The following R3HDM2 variants were observed in gnomAD, a reference collection of about 807,000 sequenced individuals.
The protein encoded by R3HDM2 is R3H domain containing 2.
In R3HDM2, 38 loss-of-function variants were observed where a neutral mutation model predicts 124.5. That is an observed-to-expected ratio of 0.31 (90% CI 0.24 to 0.40). The LOEUF (loss-of-function observed/expected upper bound fraction) is 0.40. Among genes scored for constraint, R3HDM2 ranks in the 10% least tolerant of loss-of-function variants. The pLI is 1.00. For synonymous variants in R3HDM2, 391 were observed against 448.0 expected (o/e 0.87, Z 1.61); for missense variants, 869 against 1,236.9 (o/e 0.70, Z 4.46).
At chr12:57,292,708 G>A in intron 10 of R3HDM2, 41 bp from the exon 11 acceptor site, 5 of 1,330,706 alleles carry the variant, frequency 3.8e-6, no homozygotes, top group South Asian at 1.3e-5. Context: ...AGTTCTCCTC[G>A]TACTGCAAGC....
chr12:57,375,227 T>G (rs1046057229), intron 2 of R3HDM2, among the ~76,000 whole-genome samples: 3 of 152,264 alleles, frequency 2.0e-5, no homozygotes, highest in Non-Finnish European at 2.9e-5. Context: ...AGTCTGAGAT[T>G]AATTTCAGAC....
intron 2 of R3HDM2, among the ~76,000 whole-genome samples, chr12:57,330,766 T>C (rs1441948474): frequency 7.5e-6 from 1 of 133,772 alleles, no homozygotes; most frequent in Non-Finnish European, 1.5e-5. Context: ...TGGCGCAATC[T>C]CAGCTCACTG....
chr12:57,406,321 C>CAAA (rs371243114), intron 1 of R3HDM2, among the ~76,000 whole-genome samples: 3 of 55,332 alleles, frequency 5.4e-5, no homozygotes, highest in Admixed American at 2.0e-4. Context: ...AACTCCGTCT[C>CAAA]AAAAAAAAAA....
intron 2 of R3HDM2, among the ~76,000 whole-genome samples, chr12:57,387,727 T>C (rs2066052496): frequency 6.6e-6 from 1 of 152,106 alleles, no homozygotes; most frequent in Admixed American, 6.6e-5. Flanking sequence ...AAGAAACCAG[T>C]TTGGAAAGAA....
intron 2 of R3HDM2, among the ~76,000 whole-genome samples, chr12:57,387,967 T>TTTA (rs386376650): frequency 6.1e-5 from 1 of 16,368 alleles, no homozygotes; most frequent in Admixed American, 1.2e-3. Context: ...ACAAAAAAAA[T>TTTA]TTTTTTTTTT....
intron 1 of R3HDM2, among the ~76,000 whole-genome samples, chr12:57,398,270 T>A (rs1202959839): frequency 6.6e-6 from 1 of 152,096 alleles, no homozygotes; most frequent in East Asian, 1.9e-4. Flanking sequence ...TACCTGCAAT[T>A]CTAAACAGTG....
intron 2 of R3HDM2, among the ~76,000 whole-genome samples, chr12:57,364,610 A>C (rs1359858551): frequency 6.6e-6 from 1 of 151,954 alleles, no homozygotes; most frequent in Admixed American, 6.6e-5. Context: ...TGCTTGGTAC[A>C]CGTATGCCCA....
At chr12:57,347,092 A>G (rs2060165260) in intron 2 of R3HDM2, among the ~76,000 whole-genome samples, 2 of 152,246 alleles carry the variant, frequency 1.3e-5, no homozygotes, top group South Asian at 4.1e-4. Flanking sequence ...AAAAAAATTA[A>G]AAAATTAGCT....
intron 2 of R3HDM2, among the ~76,000 whole-genome samples, chr12:57,313,470 G>A (rs772842260): frequency 9.9e-5 from 15 of 151,558 alleles, no homozygotes; most frequent in Non-Finnish European, 2.1e-4. Context: ...AGGCTGAGGC[G>A]GGAGGATCAC....
chr12:57,331,775 G>A (rs1472661927), intron 2 of R3HDM2, among the ~76,000 whole-genome samples: 2 of 151,992 alleles, frequency 1.3e-5, no homozygotes, highest in African/African-American at 2.4e-5. Context: ...TTAGCCGGGC[G>A]TGGTGGCAGG....
chr12:57,261,466 C>T (rs980602480), intron 19 of R3HDM2, among the ~76,000 whole-genome samples: 2 of 152,070 alleles, frequency 1.3e-5, no homozygotes, highest in Non-Finnish European at 2.9e-5. Flanking sequence ...AGCAGGTAGT[C>T]ATAAGGAGCT....
At chr12:57,381,972 T>C (rs924012563) in intron 2 of R3HDM2, among the ~76,000 whole-genome samples, 1 of 151,542 alleles carries the variant, frequency 6.6e-6, no homozygotes, top group Admixed American at 6.6e-5. Flanking sequence ...TGCACCACCA[T>C]GCCTGGCTAA....
chr12:57,368,168 A>G (rs190419235), intron 2 of R3HDM2, among the ~76,000 whole-genome samples: 8 of 152,194 alleles, frequency 5.3e-5, no homozygotes, highest in Non-Finnish European at 1.2e-4. Context: ...TGCATCTCTC[A>G]GGTGCCTGGA....
chr12:57,382,900 C>T (rs1374844928), intron 2 of R3HDM2, among the ~76,000 whole-genome samples: 12 of 151,940 alleles, frequency 7.9e-5, no homozygotes, highest in Admixed American at 1.3e-4. Flanking sequence ...GACGGAGTCT[C>T]GCTCTTGTTG....
chr12:57,277,106 A>C (rs907760944), intron 14 of R3HDM2, among the ~76,000 whole-genome samples: 40 of 151,776 alleles, frequency 2.6e-4, no homozygotes, highest in African/African-American at 9.2e-4. Context: ...GAACAAAAAA[A>C]AAAAAAAAAA....
rs1313759357 is a variant in R3HDM2, at chr12:57,374,995, C to CA, written c.-36+20753dup. ...TGGGTGACAGAGCAAGACTCCATCTCAAAAAAAAAATAAATAAATAAATAA... is the reference window on the plus strand; with the variant it reads ...TGGGTGACAGAGCAAGACTCCATCTCAAAAAAAAAAATAAATAAATAAATAA... On this transcript the variant is annotated intron_variant, in intron 2 of 23. Coordinates refer to ENST00000402412, the MANE Select transcript of R3HDM2 (RefSeq NM_001394031.1). Among the ~76,000 whole-genome samples the CA allele has an allele frequency of 3.3e-4, 45 of 134,456 alleles. 1 individual carries two copies. The East Asian group carries it at 3.4e-3, about 10-fold the overall frequency. 88.2% of individuals were successfully genotyped at this position (134,456 alleles called of 152,430 possible).
At chr12:57,263,105 G>A (rs889097545) in intron 19 of R3HDM2, among the ~76,000 whole-genome samples, 4 of 152,184 alleles carry the variant, frequency 2.6e-5, no homozygotes, top group Non-Finnish European at 5.9e-5. Context: ...GACAGAGTAG[G>A]TAATGAAAAA....
At chr12:57,396,528 C>T (rs1454909972) in intron 1 of R3HDM2, among the ~76,000 whole-genome samples, 1 of 151,998 alleles carries the variant, frequency 6.6e-6, no homozygotes, top group Non-Finnish European at 1.5e-5. Flanking sequence ...CCTGTAATCC[C>T]AGCACTTTGG....
chr12:57,356,520 C>T (rs550380445), intron 2 of R3HDM2, among the ~76,000 whole-genome samples: 197 of 152,236 alleles, frequency 1.3e-3, no homozygotes, highest in African/African-American at 4.6e-3. Flanking sequence ...TTTGTATCCA[C>T]GTACACAAGA....
Sources: allele counts gnomAD v4.1 joint callset (sites outside exome capture counted in the v4.1 genomes callset), GRCh38; gene constraint gnomAD v4.1.1; transcripts MANE v1.5; gene names NCBI Gene and HGNC (gene_info 2026-07-23, HGNC 2026-07-21).